Variants in ADAMTS12 observed in about 807,000 individuals in gnomAD.
ADAMTS12 encodes the protein ADAM metallopeptidase with thrombospondin type 1 motif 12.
ADAMTS12 carries 118 observed loss-of-function variants against 167.8 expected under a neutral mutation model. The observed-to-expected ratio is 0.70, with a 90% CI of 0.61 to 0.82. ADAMTS12 has a LOEUF of 0.82. Among genes scored for constraint, ADAMTS12 ranks in the 40% least tolerant of loss-of-function variants. The pLI, the probability that ADAMTS12 is intolerant of heterozygous loss-of-function variation, is 0.00. For missense variants in ADAMTS12, 1,916 were observed against 1,998.8 expected, an observed-to-expected ratio of 0.96 and a Z score of 0.79; for synonymous variants, 704 against 716.9, an observed-to-expected ratio of 0.98 and a Z score of 0.29.
At chr5:33,830,230 T>C (rs987207702) in intron 2 of ADAMTS12, among the ~76,000 whole-genome samples, 2 of 152,038 alleles carry the variant, frequency 1.3e-5, no homozygotes, top group South Asian at 2.1e-4. Context: ...TGGAGAGCCA[T>C]TGTACCACCC....
At chr5:33,848,477 A>G (rs1401680236) in intron 2 of ADAMTS12, among the ~76,000 whole-genome samples, 1 of 152,194 alleles carries the variant, frequency 6.6e-6, no homozygotes, top group Non-Finnish European at 1.5e-5. Flanking sequence ...AGATTTTAAG[A>G]AAACTGTCTG....
intron 1 of ADAMTS12, chr5:33,888,042 C>T (rs1476003570): frequency 6.6e-6 from 1 of 152,120 alleles, no homozygotes; most frequent in East Asian, 1.9e-4. Context: ...ACCACGCCGG[C>T]CTATTCTTTT....
intron 6 of ADAMTS12, among the ~76,000 whole-genome samples, chr5:33,660,993 A>G (rs970299112): frequency 2.0e-5 from 3 of 152,166 alleles, no homozygotes; most frequent in African/African-American, 4.8e-5. Flanking sequence ...ACAGGGACAG[A>G]TCACAGGGCC....
At chr5:33,578,236 A>G (rs1439413791) in intron 18 of ADAMTS12, among the ~76,000 whole-genome samples, 1 of 152,134 alleles carries the variant, frequency 6.6e-6, no homozygotes, top group Non-Finnish European at 1.5e-5. Context: ...CTGCATAATG[A>G]TTTCAAAGGG....
chr5:33,775,789 G>A (rs1745893268), intron 2 of ADAMTS12, among the ~76,000 whole-genome samples: 1 of 152,128 alleles, frequency 6.6e-6, no homozygotes, highest in Non-Finnish European at 1.5e-5. Flanking sequence ...GAGTGTTTGT[G>A]TTCCCCCAAA....
chr5:33,691,668 C>G (rs2112277977), intron 3 of ADAMTS12, among the ~76,000 whole-genome samples: 1 of 152,296 alleles, frequency 6.6e-6, no homozygotes, highest in South Asian at 2.1e-4. Flanking sequence ...AGCAAGAAGT[C>G]ATGCTGGCAT....
intron 3 of ADAMTS12, among the ~76,000 whole-genome samples, chr5:33,715,506 A>C (rs1482236573): frequency 6.6e-6 from 1 of 152,154 alleles, no homozygotes; most frequent in Non-Finnish European, 1.5e-5. Context: ...AGAAGTAAAA[A>C]TAAAAACTTT....
intron 2 of ADAMTS12, among the ~76,000 whole-genome samples, chr5:33,777,295 G>A (rs887013797): frequency 1.6e-4 from 25 of 152,056 alleles, no homozygotes; most frequent in Admixed American, 7.9e-4. Flanking sequence ...ATTAGCAAAC[G>A]AAATTCACTG....
At chr5:33,630,350 T>C (rs1170961393) in intron 13 of ADAMTS12, among the ~76,000 whole-genome samples, 2 of 152,200 alleles carry the variant, frequency 1.3e-5, no homozygotes, top group South Asian at 2.1e-4. Flanking sequence ...GTTTTGTAAC[T>C]ATTGTCATGC....
At chr5:33,552,818 G>T (rs900142148) in intron 20 of ADAMTS12, among the ~76,000 whole-genome samples, 19 of 152,096 alleles carry the variant, frequency 1.2e-4, no homozygotes, top group African/African-American at 4.3e-4. Flanking sequence ...CTCCACCTTT[G>T]TTCTTAAGCA....
intron 3 of ADAMTS12, among the ~76,000 whole-genome samples, chr5:33,691,689 C>T (rs977921335): frequency 3.3e-5 from 5 of 152,200 alleles, no homozygotes; most frequent in Non-Finnish European, 5.9e-5. Flanking sequence ...TTAGTTAGGG[C>T]TGGTCCTAAG....
chr5:33,567,640 C>G (rs1746079174), intron 19 of ADAMTS12, among the ~76,000 whole-genome samples: 1 of 152,212 alleles, frequency 6.6e-6, no homozygotes, highest in Admixed American at 6.5e-5. Context: ...TAAACAGATC[C>G]ATTTTGTTTC....
chr5:33,846,787 C>A (rs1410368059), intron 2 of ADAMTS12, among the ~76,000 whole-genome samples: 2 of 152,066 alleles, frequency 1.3e-5, no homozygotes, highest in Non-Finnish European at 1.5e-5. Flanking sequence ...AATGTTTGTC[C>A]CCGGAGGTTT....
At chr5:33,634,684 ATAATCTTATTG>A (rs1392942492) in intron 12 of ADAMTS12, among the ~76,000 whole-genome samples, 1 of 152,156 alleles carries the variant, frequency 6.6e-6, no homozygotes, top group African/African-American at 2.4e-5. Context: ...TTCTAATACT[ATAATCTTATTG>A]TAATCCCCAC....
chr5:33,746,247 G>A (rs1278265734), intron 3 of ADAMTS12, among the ~76,000 whole-genome samples: 1 of 152,198 alleles, frequency 6.6e-6, no homozygotes, highest in African/African-American at 2.4e-5. Context: ...TAAACTCAAT[G>A]TGGAGTATGG....
chr5:33,564,544 T>A (rs1038337140), intron 19 of ADAMTS12, among the ~76,000 whole-genome samples: 11 of 152,204 alleles, frequency 7.2e-5, no homozygotes. Flanking sequence ...GGCAGTCTCA[T>A]GTCTTGTGCA....
At chr5:33,844,647 G>T (rs746404716) in intron 2 of ADAMTS12, among the ~76,000 whole-genome samples, 1 of 152,200 alleles carries the variant, frequency 6.6e-6, no homozygotes, top group Non-Finnish European at 1.5e-5. Context: ...ATTTTGCCCC[G>T]GTCCTGTGGT....
intron 20 of ADAMTS12, among the ~76,000 whole-genome samples, 176 bp downstream of exon 20, chr5:33,560,851 A>G (rs956375404): frequency 6.7e-6 from 1 of 148,792 alleles, no homozygotes; most frequent in Non-Finnish European, 1.5e-5. Context: ...GCACACCAAC[A>G]TGACACATGT....
Position 33,835,945 on chromosome 5 carries a change from CTCTCTCTCTGTG to C in ADAMTS12, c.489+45162_489+45173del, listed in dbSNP as rs1160454707. ...TCTCTCTCTCTCTCTCTCTCTCTCT[CTCTCTCTCTGTG>C]TGTGTGTGTGTGTCCATCTGGGCAG... On this transcript the variant is annotated intron_variant, in intron 2 of 23. Transcript: ENST00000504830. 5.7e-4 allele frequency among the ~76,000 whole-genome samples: 24 copies of C among 41,938 alleles called. 1 individual carries two copies. Among genetic ancestry groups the C allele is most frequent in the Admixed American group, 2.5e-3 (7 of 2,798 alleles). The allele number at this position is 41,938 out of a possible 152,430, so 27.5% of individuals were successfully genotyped here. A position where few individuals can be genotyped will look rare whatever the true frequency, so the allele number is the denominator to read the frequency against.
Sources: allele counts gnomAD v4.1 joint callset (sites outside exome capture counted in the v4.1 genomes callset), GRCh38; gene constraint gnomAD v4.1.1; transcripts MANE v1.5; gene names NCBI Gene and HGNC (gene_info 2026-07-23, HGNC 2026-07-21).